UNC13C: variants seen among roughly 807,000 people sequenced by gnomAD.
The protein encoded by UNC13C is protein unc-13 homolog C.
Under a neutral mutation model 245.4 loss-of-function variants are expected in UNC13C, and 174 were observed. That is an observed-to-expected ratio of 0.71 (90% CI 0.63 to 0.80). UNC13C has a LOEUF of 0.80. Ranked by LOEUF, UNC13C falls within the 30% of genes least tolerant of loss-of-function variation. The probability of loss-of-function intolerance (pLI) is 0.00; values close to 1 mark genes in which losing one functional copy is unlikely to be tolerated. For missense variants in UNC13C, 2,829 were observed against 2,602.9 expected (o/e 1.09, Z -1.89); for synonymous variants, 992 against 895.1 (o/e 1.11, Z -1.93).
At chr15:54,471,181 G>A (rs956410306) in intron 19 of UNC13C, among the ~76,000 whole-genome samples, 1 of 151,472 alleles carries the variant, frequency 6.6e-6, no homozygotes, top group African/African-American at 2.4e-5. Flanking sequence ...TGCATTTGTT[G>A]CTGTTGGATA....
intron 17 of UNC13C, among the ~76,000 whole-genome samples, chr15:54,377,309 C>A (rs1346375511): frequency 1.3e-5 from 2 of 152,140 alleles, no homozygotes; most frequent in African/African-American, 4.8e-5. Context: ...GTCAAAGTCA[C>A]CCATGTTCAA....
chr15:54,431,625 C>T (rs1328166080), intron 19 of UNC13C, among the ~76,000 whole-genome samples: 2 of 151,618 alleles, frequency 1.3e-5, no homozygotes, highest in East Asian at 1.9e-4. Flanking sequence ...TTAATTGCCA[C>T]TGAGGAAGTA....
chr15:54,338,782 G>A, intron 17 of UNC13C, among the ~76,000 whole-genome samples: 1 of 152,086 alleles, frequency 6.6e-6, no homozygotes, highest in East Asian at 1.9e-4. Flanking sequence ...GTAGGTAATT[G>A]GCAGATTTGG....
At chr15:54,162,337 T>C (rs1054266327) in intron 4 of UNC13C, among the ~76,000 whole-genome samples, 15 of 152,196 alleles carry the variant, frequency 9.9e-5, no homozygotes, top group Non-Finnish European at 2.1e-4. Context: ...TTTAGAGACC[T>C]GATTCCTTTG....
intron 19 of UNC13C, among the ~76,000 whole-genome samples, chr15:54,463,281 G>GGGGGGGGGC (rs1221917189): frequency 4.3e-5 from 3 of 69,016 alleles, no homozygotes; most frequent in South Asian, 6.9e-4. Flanking sequence ...GGGGGGGGGG[G>GGGGGGGGGC]GCCGGTCAGG....
At chr15:54,242,537 A>T (rs1357406175) in intron 7 of UNC13C, among the ~76,000 whole-genome samples, 1 of 152,068 alleles carries the variant, frequency 6.6e-6, no homozygotes, top group East Asian at 1.9e-4. Context: ...AAACTGCAGG[A>T]AATTTCTCTG....
At chr15:54,098,966 T>C (rs1337500214) in intron 2 of UNC13C, among the ~76,000 whole-genome samples, 1 of 152,216 alleles carries the variant, frequency 6.6e-6, no homozygotes, top group Admixed American at 6.5e-5. Flanking sequence ...AGCCGGTACA[T>C]GGATTGTTAA....
chr15:54,216,696 A>G (rs2035050222), intron 4 of UNC13C, among the ~76,000 whole-genome samples: 1 of 152,030 alleles, frequency 6.6e-6, no homozygotes, highest in African/African-American at 2.4e-5. Flanking sequence ...TCAGTATTTT[A>G]TTAATACATG....
chr15:53,923,969 G>A, the UNC13C span, among the ~76,000 whole-genome samples: 8 of 152,246 alleles, frequency 5.3e-5, no homozygotes, highest in South Asian at 2.1e-4. Context: ...CACTTTGGGA[G>A]GCTGAGGAAG....
In UNC13C at chr15:54,627,634, G is replaced by C. The variant is rs942939159; in HGVS notation, c.*521G>C. On this transcript the variant is annotated 3_prime_UTR_variant, in exon 33 of 33. Transcript: ENST00000260323. ...TTTGCATACACATTAAAATAGAAAA[G>C]GTGGGAAATATTTTCTGCTGACCAG... The C allele has an allele frequency of 2.0e-5, 3 of 152,582 alleles. No individual in the cohort carries two copies. The highest frequency in any genetic ancestry group is 2.9e-5 in the Non-Finnish European group (2 of 68,048). The allele number at this position is 152,582 out of a possible 1,614,324, so 9.5% of individuals were successfully genotyped here. A position where few individuals can be genotyped will look rare whatever the true frequency, so the allele number is the denominator to read the frequency against.
chr15:54,381,447 G>C (rs2039722885), intron 17 of UNC13C, among the ~76,000 whole-genome samples: 2 of 152,048 alleles, frequency 1.3e-5, no homozygotes, highest in Admixed American at 1.3e-4. Flanking sequence ...ATCTGTGGTG[G>C]TTTCATACAA....
At chr15:54,428,061 C>G (rs1447442699) in intron 19 of UNC13C, among the ~76,000 whole-genome samples, 1 of 151,728 alleles carries the variant, frequency 6.6e-6, no homozygotes, top group African/African-American at 2.4e-5. Context: ...TGAATAATAC[C>G]TTTTATTTAT....
chr15:54,548,291 G>A (rs1412010222), intron 27 of UNC13C, among the ~76,000 whole-genome samples: 48 of 133,752 alleles, frequency 3.6e-4, no homozygotes, highest in African/African-American at 1.2e-3. Context: ...GCGCGATCTC[G>A]GCTCACTGCA....
At chr15:53,897,132 T>C in the UNC13C span, among the ~76,000 whole-genome samples, 1 of 152,218 alleles carries the variant, frequency 6.6e-6, no homozygotes, top group Non-Finnish European at 1.5e-5. Context: ...GTTTATTTAC[T>C]ATTTGTCTTC....
chr15:54,624,051 G>C lies in UNC13C; in HGVS notation c.6359+97G>C, dbSNP rs1470156903. The C allele has an allele frequency of 2.1e-6, 3 of 1,450,534 alleles. No individual in the cohort carries two copies. The African/African-American group carries it at 4.3e-5, about 21-fold the overall frequency. The allele number at this position is 1,450,534 out of a possible 1,614,324, so 89.9% of individuals were successfully genotyped here. ...TGGAGTGTGAAGGGCTAAGGAAAAT[G>C]AAGAAGGCTCTGTTTTTAGTTCCCT... On this transcript the variant is annotated intron_variant, in intron 32 of 32. Transcript: ENST00000260323.
chr15:54,086,737 C>CTTTCTTTTTTT (rs1899260990), intron 2 of UNC13C, among the ~76,000 whole-genome samples: 2 of 92,012 alleles, frequency 2.2e-5, no homozygotes, highest in African/African-American at 7.5e-5. Flanking sequence ...TATTTTCTTT[C>CTTTCTTTTTTT]TTTTTTTTTT....
intron 24 of UNC13C, among the ~76,000 whole-genome samples, chr15:54,516,489 A>G (rs951730986): frequency 6.6e-6 from 1 of 152,124 alleles, no homozygotes. Context: ...TGCATTGAGA[A>G]TTACTGCTAT....
At chr15:53,858,590 T>C in the UNC13C span, among the ~76,000 whole-genome samples, 2 of 152,022 alleles carry the variant, frequency 1.3e-5, no homozygotes, top group Admixed American at 1.3e-4. Flanking sequence ...GCAGCTAATT[T>C]TTGTGTTTTT....
At chr15:54,164,610 T>C (rs1742711119) in intron 4 of UNC13C, among the ~76,000 whole-genome samples, 1 of 152,240 alleles carries the variant, frequency 6.6e-6, no homozygotes. Context: ...GCATCTGCTC[T>C]GTCAGTTCAG....
Sources: gnomAD v4.1 joint callset for allele counts (sites outside exome capture counted in the v4.1 genomes callset) on GRCh38, gnomAD v4.1.1 for gene constraint, MANE v1.5 for transcripts, NCBI Gene and HGNC (gene_info 2026-07-23, HGNC 2026-07-21) for gene names.